The following GRM7 variants were observed in gnomAD, a reference collection of about 807,000 sequenced individuals.
GRM7 encodes metabotropic glutamate receptor 7.
In GRM7, 35 loss-of-function variants were observed where a neutral mutation model predicts 84.5. The ratio of observed to expected loss-of-function variants is 0.41; its 90% CI spans 0.32 to 0.55. The LOEUF is 0.55. Among genes scored for constraint, GRM7 ranks in the 20% least tolerant of loss-of-function variants. The probability of loss-of-function intolerance (pLI) is 0.19; values close to 1 mark genes in which losing one functional copy is unlikely to be tolerated. For missense variants in GRM7, 1,003 were observed against 1,194.6 expected (o/e 0.84, Z 2.36); for synonymous variants, 487 against 455.1 (o/e 1.07, Z -0.89).
chr3:7,207,934 T>C (rs974192047), intron 2 of GRM7, among the ~76,000 whole-genome samples: 4 of 152,224 alleles, frequency 2.6e-5, no homozygotes, highest in Non-Finnish European at 5.9e-5. Context: ...AACTTGTTTC[T>C]TTTTAAATGA....
intron 2 of GRM7, among the ~76,000 whole-genome samples, chr3:7,227,174 T>C (rs1359518046): frequency 6.6e-6 from 1 of 152,216 alleles, no homozygotes; most frequent in Non-Finnish European, 1.5e-5. Flanking sequence ...ATAGTAACCA[T>C]TTTTCTATAG....
At chr3:6,864,193 C>G (rs979518522) in intron 1 of GRM7, among the ~76,000 whole-genome samples, 3 of 152,122 alleles carry the variant, frequency 2.0e-5, no homozygotes, top group Non-Finnish European at 4.4e-5. Flanking sequence ...GGAAAAAGAG[C>G]CCCTAGTTTT....
intron 2 of GRM7, among the ~76,000 whole-genome samples, chr3:7,167,926 G>A (rs1338317508): frequency 6.7e-5 from 8 of 119,704 alleles, no homozygotes; most frequent in East Asian, 2.9e-4. Context: ...CCAAGATCAC[G>A]CCACTGCACT....
chr3:7,348,619 C>T (rs1692996321), intron 4 of GRM7, among the ~76,000 whole-genome samples: 1 of 152,110 alleles, frequency 6.6e-6, no homozygotes, highest in South Asian at 2.1e-4. Context: ...TTCAAGGACC[C>T]AGACTCCTCT....
At chr3:7,533,265 A>T (rs1701114998) in intron 7 of GRM7, among the ~76,000 whole-genome samples, 1 of 152,180 alleles carries the variant, frequency 6.6e-6, no homozygotes, top group South Asian at 2.1e-4. Context: ...TCCTCAGCAA[A>T]TGCAAAAGAA....
chr3:7,485,390 A>G (rs750680646), intron 7 of GRM7, among the ~76,000 whole-genome samples: 8 of 152,170 alleles, frequency 5.3e-5, no homozygotes, highest in Non-Finnish European at 8.8e-5. Context: ...ACCTGGCCAT[A>G]TCTATTAGAT....
intron 1 of GRM7, among the ~76,000 whole-genome samples, chr3:7,049,291 C>T (rs970982151): frequency 6.6e-6 from 1 of 152,008 alleles, no homozygotes; most frequent in Non-Finnish European, 1.5e-5. Flanking sequence ...AATGGATTCA[C>T]AGTTCCACAT....
chr3:7,291,317 G>A (rs1002109869), intron 2 of GRM7, among the ~76,000 whole-genome samples: 5 of 152,104 alleles, frequency 3.3e-5, no homozygotes, highest in African/African-American at 1.2e-4. Flanking sequence ...GGTGCTAACA[G>A]TATTTATTCT....
At chr3:7,039,360 A>T (rs187673108) in intron 1 of GRM7, among the ~76,000 whole-genome samples, 108 of 152,306 alleles carry the variant, frequency 7.1e-4, no homozygotes, top group African/African-American at 1.7e-3. Context: ...TTTTAAAAAA[A>T]TTTTTAATGT....
At chr3:7,462,141 G>T (rs1698274753) in intron 7 of GRM7, among the ~76,000 whole-genome samples, 1 of 151,902 alleles carries the variant, frequency 6.6e-6, no homozygotes, top group Non-Finnish European at 1.5e-5. Context: ...TGTGAGATTT[G>T]TAATGGGATT....
intron 8 of GRM7, among the ~76,000 whole-genome samples, chr3:7,679,507 G>C (rs1270643903): frequency 1.3e-5 from 2 of 151,972 alleles, no homozygotes; most frequent in Non-Finnish European, 2.9e-5. Context: ...AATTAAGCAA[G>C]AAGATCTTAG....
intron 1 of GRM7, among the ~76,000 whole-genome samples, chr3:7,097,809 T>G (rs1335524930): frequency 1.3e-5 from 2 of 152,094 alleles, no homozygotes; most frequent in Non-Finnish European, 2.9e-5. Context: ...TCATTTGACA[T>G]TCGAAGCCAT....
chr3:7,673,563 T>C (rs1004858594), intron 8 of GRM7, among the ~76,000 whole-genome samples: 1 of 150,834 alleles, frequency 6.6e-6, no homozygotes, highest in African/African-American at 2.4e-5. Context: ...AGTGGCATGA[T>C]TTTACATATG....
chr3:6,863,135 T>C lies in GRM7; in HGVS notation c.519+1228T>C, dbSNP rs1446078801. 2 of 333,394 alleles carry C rather than the reference T, an allele frequency of 6.0e-6. No homozygotes were observed. Among genetic ancestry groups the C allele is most frequent in the South Asian group, 4.5e-5 (2 of 44,120 alleles). 20.7% of individuals were successfully genotyped at this position (333,394 alleles called of 1,614,324 possible). ...CTCTGTCTCCTTGCTGTTTTTTTTT[T>C]CTCTCTGTTTTTTCTCTCCTTTTCA... On this transcript the variant is annotated intron_variant, in intron 1 of 9. Transcript: ENST00000357716. This position sits in a 1 kb window ranked among gnomAD's most constrained non-coding sequence, Gnocchi z 4.8.
intron 7 of GRM7, among the ~76,000 whole-genome samples, chr3:7,550,365 C>T (rs1205724923): frequency 2.8e-5 from 4 of 144,332 alleles, no homozygotes; most frequent in Admixed American, 1.4e-4. Context: ...TCCCTCCTTC[C>T]TTCCTTTCTC....
chr3:7,278,509 G>T (rs916486444), intron 2 of GRM7, among the ~76,000 whole-genome samples: 4 of 152,040 alleles, frequency 2.6e-5, no homozygotes, highest in African/African-American at 9.6e-5. Flanking sequence ...TTCCTTTCTT[G>T]TACATTTTCT....
intron 2 of GRM7, among the ~76,000 whole-genome samples, chr3:7,264,021 G>T (rs994594581): frequency 9.2e-5 from 14 of 152,034 alleles, no homozygotes; most frequent in Non-Finnish European, 2.1e-4. Flanking sequence ...TGTCTGTAGG[G>T]GCTGCTCTAC....
In GRM7 at chr3:7,193,867, A is replaced by C. The variant is rs184194831; in HGVS notation, c.736+47199A>C. Among the ~76,000 whole-genome samples, 5 of 152,246 alleles carry C rather than the reference A, an allele frequency of 3.3e-5. No homozygotes were observed. The East Asian group carries it at 9.7e-4, about 30-fold the overall frequency. On this transcript the variant is annotated intron_variant, in intron 2 of 9. Coordinates refer to ENST00000357716, the MANE Select transcript of GRM7 (RefSeq NM_000844.4). Reference sequence around the variant, plus strand: ...TGACAACTGGAAGAAACCTTGTAGCACCAGACGTCAGTGAGATGACATCCA... The same window carrying C: ...TGACAACTGGAAGAAACCTTGTAGCCCCAGACGTCAGTGAGATGACATCCA...
At chr3:7,406,844 A>AT (rs985878828) in intron 4 of GRM7, among the ~76,000 whole-genome samples, 2 of 152,202 alleles carry the variant, frequency 1.3e-5, no homozygotes, top group Admixed American at 6.5e-5. Context: ...AAATTTGCAC[A>AT]TTTTTTATAG....
Sources: gnomAD v4.1 joint callset for allele counts (sites outside exome capture counted in the v4.1 genomes callset) on GRCh38, gnomAD v4.1.1 for gene constraint, Gnocchi (gnomAD v3.1) non-coding constraint, MANE v1.5 for transcripts, NCBI Gene and HGNC (gene_info 2026-07-23, HGNC 2026-07-21) for gene names.